Variants in TMEM181 observed in about 807,000 individuals in gnomAD.
TMEM181 encodes G protein-coupled receptor 178.
TMEM181 carries 39 observed loss-of-function variants against 71.9 expected under a neutral mutation model. The observed-to-expected ratio is 0.54, with a 90% confidence interval of 0.42 to 0.71. The LOEUF (loss-of-function observed/expected upper bound fraction) is 0.71, where lower values mean the gene tolerates loss of function less well. Among genes scored for constraint, TMEM181 ranks in the 30% least tolerant of loss-of-function variants. The pLI, the probability that TMEM181 is intolerant of heterozygous loss-of-function variation, is 0.00. For synonymous variants in TMEM181, 245 were observed against 228.8 expected (o/e 1.07, Z -0.64); for missense variants, 595 against 583.0 (o/e 1.02, Z -0.21).
rs186263648 is a variant in TMEM181 at position 158,626,639 on chromosome 6, C to G, written c.1109+885C>G. On this transcript the variant is annotated intron_variant, in intron 13 of 16. Coordinates refer to ENST00000684151, the MANE Select transcript of TMEM181 (RefSeq NM_001376852.1). ...CAGACTTGGACTTGAACTCAAATTT[C>G]ATTCAGCATCAAAAGTCACTCAGAA... 2.5e-4 allele frequency: 86 copies of G among 344,272 alleles called. No homozygotes were observed. The East Asian group carries it at 5.3e-3, about 21-fold the overall frequency. The allele number at this position is 344,272 out of a possible 1,614,324, so 21.3% of individuals were successfully genotyped here. A position where few individuals can be genotyped will look rare whatever the true frequency, so the allele number is the denominator to read the frequency against.
intron 1 of TMEM181, among the ~76,000 whole-genome samples, chr6:158,561,871 C>T (rs958274125): frequency 6.6e-6 from 1 of 152,136 alleles, no homozygotes; most frequent in Non-Finnish European, 1.5e-5. Flanking sequence ...TTCCAGGCAC[C>T]TACCTGGAAA....
At chr6:158,581,753 C>CA (rs10626721) in intron 3 of TMEM181, among the ~76,000 whole-genome samples, 916 of 62,014 alleles carry the variant, frequency 0.015, 68 homozygotes, top group African/African-American at 0.027. Flanking sequence ...GACTCTGTCT[C>CA]AAAAAAAAAA....
rs567931598 is a variant in TMEM181, at chr6:158,620,098, C to T, written c.897-3452C>T. Among the ~76,000 whole-genome samples the T allele has an allele frequency of 3.5e-3, 533 of 152,202 alleles. 2 individuals are homozygous for T. The highest frequency in any genetic ancestry group is 4.6e-3 in the Non-Finnish European group (314 of 68,010). Reference sequence around the variant, plus strand: ...CCATATTGCAATAAAAAACTAAACACTTTGGCTTTAGGAGTCCCTGTGAGC... The same window carrying T: ...CCATATTGCAATAAAAAACTAAACATTTTGGCTTTAGGAGTCCCTGTGAGC... On this transcript the variant is annotated intron_variant, in intron 10 of 16. Transcript: ENST00000684151. The surrounding 1 kb of genome is among the most constrained non-coding windows in gnomAD (Gnocchi z 4.5).
intron 1 of TMEM181, among the ~76,000 whole-genome samples, chr6:158,566,444 G>A (rs1582951464): frequency 6.6e-6 from 1 of 151,388 alleles, no homozygotes; most frequent in African/African-American, 2.4e-5. Context: ...ATGGCGAGGA[G>A]TTGATGAGGG....
intron 1 of TMEM181, among the ~76,000 whole-genome samples, chr6:158,539,961 T>C (rs1781278506): frequency 6.6e-6 from 1 of 152,216 alleles, no homozygotes; most frequent in Non-Finnish European, 1.5e-5. Context: ...TAAAGATGTT[T>C]TCAGATACAC....
chr6:158,560,030 C>A, upstream of TMEM181: 1 of 984,926 alleles, frequency 1.0e-6, no homozygotes, highest in Non-Finnish European at 1.2e-6. Flanking sequence ...TCCACCGCGC[C>A]GCGCCCTCTT....
At chr6:158,551,048 A>G (rs143970150) in intron 1 of TMEM181, among the ~76,000 whole-genome samples, 74 of 151,002 alleles carry the variant, frequency 4.9e-4, no homozygotes, top group African/African-American at 1.7e-3. Context: ...GCAAATTCCA[A>G]CTCCTGGTTC....
chr6:158,605,491 T>A, intron 7 of TMEM181, 144 bp downstream of exon 7: 1 of 748,692 alleles, frequency 1.3e-6, no homozygotes, highest in Admixed American at 2.3e-5. Context: ...ATATTACAAC[T>A]CTGTGTGTCT....
At chr6:158,550,860 C>T (rs538612482) in intron 1 of TMEM181, among the ~76,000 whole-genome samples, 22 of 145,292 alleles carry the variant, frequency 1.5e-4, no homozygotes, top group African/African-American at 5.7e-4. Context: ...TTATAGCACT[C>T]CAGCCTGGGT....
rs778739367 is a variant in TMEM181, at chr6:158,608,667, A to G, written c.813A>G (p.Arg271=). Residue 271 remains arginine, a synonymous_variant, in exon 10 of 17, where the codon AGA becomes AGG. Transcript: ENST00000684151. ...TATTTTTTTCTTTTTAGGGAGAAAG[A>G]AAGTGTTTAACTTTCTATTTGCCTA... The part of the protein sequence containing the change: ...VYHGIRVQGE[R]KCLTFYLPKF... The G allele has an allele frequency of 1.2e-6, 2 of 1,606,600 alleles. No individual in the cohort carries two copies. Among genetic ancestry groups the G allele is most frequent in the African/African-American group, 1.3e-5 (1 of 74,360 alleles).
intron 6 of TMEM181, among the ~76,000 whole-genome samples, chr6:158,597,784 G>A (rs1246574658): frequency 6.6e-6 from 1 of 152,136 alleles, no homozygotes; most frequent in Non-Finnish European, 1.5e-5. Flanking sequence ...GGGATTACAG[G>A]TGTGAGCCAC....
intron 6 of TMEM181, among the ~76,000 whole-genome samples, chr6:158,597,811 A>T (rs1021915278): frequency 2.6e-5 from 4 of 151,836 alleles, no homozygotes; most frequent in African/African-American, 9.7e-5. Flanking sequence ...GTGCCCCTCT[A>T]CCCCTTCTAT....
chr6:158,572,355 G>C (rs1332628347), intron 1 of TMEM181: 2 of 456,014 alleles, frequency 4.4e-6, no homozygotes, highest in Non-Finnish European at 8.8e-6. Flanking sequence ...GCCTGTCCCT[G>C]AGGTGAGGTG....
intron 5 of TMEM181, among the ~76,000 whole-genome samples, chr6:158,588,320 C>T (rs1479137671): frequency 6.6e-6 from 1 of 152,242 alleles, no homozygotes; most frequent in Non-Finnish European, 1.5e-5. Flanking sequence ...GACCTTGGTG[C>T]TGCCTTCAGC....
At chr6:158,537,074 G>C (rs930451) in intron 1 of TMEM181, among the ~76,000 whole-genome samples, 148,150 of 151,972 alleles carry the variant, frequency 0.97, 72,258 homozygotes, top group East Asian at 1. Flanking sequence ...GGCAGCGGCG[G>C]GCAGGTTCCT....
intron 6 of TMEM181, among the ~76,000 whole-genome samples, chr6:158,594,526 T>C (rs1784290428): frequency 6.6e-6 from 1 of 152,228 alleles, no homozygotes; most frequent in Admixed American, 6.5e-5. Flanking sequence ...TCATTTCTTT[T>C]TATCATGGAA....
At chr6:158,617,302 T>C (rs891430996) in intron 10 of TMEM181, among the ~76,000 whole-genome samples, 4 of 152,206 alleles carry the variant, frequency 2.6e-5, no homozygotes, top group African/African-American at 9.6e-5. Flanking sequence ...TGATGGTAGT[T>C]TGTATTTCTG....
In TMEM181 at chr6:158,633,159, T is replaced by C. The variant is rs1014032086; in HGVS notation, c.*1271T>C. ...TTAAAACTCATATTTGGAAGCAAAA[T>C]GAAAAGCAAGTAAAATGTTTTAAAT... On this transcript the variant is annotated 3_prime_UTR_variant, in exon 17 of 17. Transcript: ENST00000684151. The C allele has an allele frequency of 1.3e-5, 2 of 152,212 alleles. No individual in the cohort carries two copies. Among genetic ancestry groups the C allele is most frequent in the African/African-American group, 4.8e-5 (2 of 41,460 alleles). The allele number at this position is 152,212 out of a possible 1,614,324, so 9.4% of individuals were successfully genotyped here.
At chr6:158,622,448 G>A (rs537198463) in intron 10 of TMEM181, among the ~76,000 whole-genome samples, 2 of 152,238 alleles carry the variant, frequency 1.3e-5, no homozygotes, top group South Asian at 2.1e-4. Context: ...GTGGTTGTGT[G>A]TCAGGAGCAG....
Sources: gnomAD v4.1 joint callset for allele counts (sites outside exome capture counted in the v4.1 genomes callset) on GRCh38, gnomAD v4.1.1 for gene constraint, Gnocchi (gnomAD v3.1) non-coding constraint, MANE v1.5 for transcripts, NCBI Gene and HGNC (gene_info 2026-07-23, HGNC 2026-07-21) for gene names.